MCTP2: variants seen among roughly 807,000 people sequenced by gnomAD.
MCTP2 encodes the protein multiple C2 and transmembrane domain containing 2, also known as multiple C2 and transmembrane domain-containing protein 2.
MCTP2 carries 132 observed loss-of-function variants against 111.6 expected under a neutral mutation model. That is an observed-to-expected ratio of 1.18 (90% CI 1.03 to 1.37). The LOEUF (loss-of-function observed/expected upper bound fraction) is 1.37, where lower values mean the gene tolerates loss of function less well. Ranked by LOEUF, MCTP2 falls within the 40% of genes most tolerant of loss-of-function variation. MCTP2 has a pLI of 0.00. For synonymous variants in MCTP2, 395 were observed against 387.7 expected, an observed-to-expected ratio of 1.02 and a Z score of -0.22; for missense variants, 1,183 against 1,067.9, an observed-to-expected ratio of 1.11 and a Z score of -1.50.
intron 4 of MCTP2, among the ~76,000 whole-genome samples, chr15:94,337,503 T>C (rs2077418626): frequency 6.6e-6 from 1 of 151,556 alleles, no homozygotes; most frequent in African/African-American, 2.4e-5. Flanking sequence ...CACTTTTTTA[T>C]ATATATATAT....
At chr15:94,286,804 G>A (rs759559371) in intron 1 of MCTP2, among the ~76,000 whole-genome samples, 5 of 152,160 alleles carry the variant, frequency 3.3e-5, no homozygotes, top group Non-Finnish European at 7.3e-5. Flanking sequence ...TAGGCTCCTC[G>A]GCTTGGGGCC....
chr15:94,287,398 A>G (rs2074811850), intron 1 of MCTP2, among the ~76,000 whole-genome samples: 1 of 152,112 alleles, frequency 6.6e-6, no homozygotes, highest in African/African-American at 2.4e-5. Context: ...GAGAAGTGAC[A>G]TTTTCAGGTA....
At chr15:94,329,930 C>T (rs932875351) in intron 4 of MCTP2, among the ~76,000 whole-genome samples, 4 of 152,170 alleles carry the variant, frequency 2.6e-5, no homozygotes, top group African/African-American at 9.7e-5. Context: ...ATAACTGCAC[C>T]TCAGTGCCAT....
At chr15:94,261,839 T>C (rs1336752017) in intron 1 of MCTP2, among the ~76,000 whole-genome samples, 1 of 152,210 alleles carries the variant, frequency 6.6e-6, no homozygotes, top group East Asian at 1.9e-4. Context: ...AATTTAAAAC[T>C]CGTGAACTGA....
intron 1 of MCTP2, among the ~76,000 whole-genome samples, chr15:94,275,871 G>T (rs1372058217): frequency 1.5e-5 from 2 of 135,128 alleles, no homozygotes; most frequent in Non-Finnish European, 3.1e-5. Context: ...TTTGAGAGAT[G>T]GAGTCTCGCT....
intron 9 of MCTP2, among the ~76,000 whole-genome samples, chr15:94,356,708 T>C (rs933289350): frequency 8.5e-5 from 13 of 152,214 alleles, no homozygotes; most frequent in Non-Finnish European, 4.4e-5. Context: ...TTGCTTTCTC[T>C]TGCTTGCTAG....
chr15:94,458,326 G>T, intron 20 of MCTP2, 80 bp downstream of exon 20: 1 of 844,730 alleles, frequency 1.2e-6, no homozygotes, highest in Non-Finnish European at 2.0e-6. Flanking sequence ...AGTGGTGTGC[G>T]ACAAAGGGAG....
At chr15:94,328,067 C>T (rs2076959210) in intron 4 of MCTP2, among the ~76,000 whole-genome samples, 1 of 151,400 alleles carries the variant, frequency 6.6e-6, no homozygotes, top group South Asian at 2.1e-4. Flanking sequence ...TGTAGCATGT[C>T]TTCTATTTGC....
chr15:94,325,516 C>A (rs75433495), intron 4 of MCTP2, among the ~76,000 whole-genome samples: 4,453 of 152,138 alleles, frequency 0.029, 137 homozygotes, highest in South Asian at 0.084. Flanking sequence ...TCTTTTACTT[C>A]TTTTGAGATA....
intron 2 of MCTP2, among the ~76,000 whole-genome samples, chr15:94,302,963 G>T (rs201923690): frequency 6.6e-6 from 1 of 151,574 alleles, no homozygotes; most frequent in Admixed American, 6.6e-5. Flanking sequence ...GCAAGGAGGA[G>T]CAAGTCATGT....
intron 4 of MCTP2, among the ~76,000 whole-genome samples, chr15:94,331,675 G>T (rs1051296173): frequency 2.6e-5 from 4 of 152,154 alleles, no homozygotes; most frequent in Non-Finnish European, 5.9e-5. Flanking sequence ...GCTGTATATT[G>T]GTCATTGGAA....
At chr15:94,247,663 A>G (rs546085555) in intron 1 of MCTP2, among the ~76,000 whole-genome samples, 4 of 152,310 alleles carry the variant, frequency 2.6e-5, no homozygotes, top group Admixed American at 6.5e-5. Flanking sequence ...TTCAATCAGT[A>G]AGACTGATGA....
intron 17 of MCTP2, among the ~76,000 whole-genome samples, chr15:94,424,812 A>G (rs2082799855): frequency 6.6e-6 from 1 of 151,854 alleles, no homozygotes; most frequent in South Asian, 2.1e-4. Context: ...TAATACTTAC[A>G]CGTTTCATAT....
At chr15:94,346,357 T>C (rs2077982550) in intron 8 of MCTP2, among the ~76,000 whole-genome samples, 1 of 152,186 alleles carries the variant, frequency 6.6e-6, no homozygotes, top group South Asian at 2.1e-4. Flanking sequence ...TGATTCTTTT[T>C]AGTAATAAAA....
intron 7 of MCTP2, chr15:94,341,556 T>C (rs1419306303): frequency 6.6e-6 from 1 of 152,220 alleles, no homozygotes; most frequent in African/African-American, 2.4e-5. Context: ...TATAAAAATA[T>C]AAAGCCTATT....
chr15:94,393,945 G>C (rs2081132284), intron 14 of MCTP2, among the ~76,000 whole-genome samples: 1 of 150,402 alleles, frequency 6.6e-6, no homozygotes, highest in South Asian at 2.1e-4. Flanking sequence ...AGCTACTCAG[G>C]AGGCTGAGGC....
intron 1 of MCTP2, among the ~76,000 whole-genome samples, chr15:94,292,209 T>C (rs2075064934): frequency 6.6e-6 from 1 of 152,134 alleles, no homozygotes; most frequent in African/African-American, 2.4e-5. Flanking sequence ...CTATACTTAC[T>C]GGAGAAAGAT....
chr15:94,278,623 T>A (rs1212845077), intron 1 of MCTP2, among the ~76,000 whole-genome samples: 2 of 152,150 alleles, frequency 1.3e-5, no homozygotes, highest in Non-Finnish European at 2.9e-5. Context: ...ATGTACAGAT[T>A]TGTTCCATGA....
At chr15:94,469,456 A>T (rs565353447) in intron 20 of MCTP2, among the ~76,000 whole-genome samples, 62 of 152,330 alleles carry the variant, frequency 4.1e-4, no homozygotes, top group Non-Finnish European at 6.3e-4. Flanking sequence ...CAGTGTGATG[A>T]TTTATAGTCA....
Sources: gnomAD v4.1 joint callset for allele counts (sites outside exome capture counted in the v4.1 genomes callset) on GRCh38, gnomAD v4.1.1 for gene constraint, MANE v1.5 for transcripts, NCBI Gene and HGNC (gene_info 2026-07-23, HGNC 2026-07-21) for gene names.